Variants in NLRP13 observed in about 807,000 individuals in gnomAD.
NLRP13 encodes NACHT, LRR and PYD domains-containing protein 13.
Under a neutral mutation model 94.4 loss-of-function variants are expected in NLRP13, and 82 were observed. The ratio of observed to expected loss-of-function variants is 0.87; its 90% CI spans 0.73 to 1.04. NLRP13 has a LOEUF of 1.04. Among genes scored for constraint, NLRP13 ranks in the 50% least tolerant of loss-of-function variants. The pLI is 0.00. For missense variants in NLRP13, 1,426 were observed against 1,230.8 expected, an observed-to-expected ratio of 1.16 and a Z score of -2.37; for synonymous variants, 553 against 464.7, an observed-to-expected ratio of 1.19 and a Z score of -2.45.
intron 5 of NLRP13, 86 bp from the exon 6 acceptor site, chr19:55,910,819 A>G (rs975375072): frequency 9.0e-7 from 1 of 1,112,410 alleles, no homozygotes; most frequent in South Asian, 2.0e-5. Context: ...ACAGAAAGAA[A>G]CCCTAACAAA....
At chr19:55,930,891 T>C (rs1424903785) in intron 1 of NLRP13, among the ~76,000 whole-genome samples, 1 of 123,546 alleles carries the variant, frequency 8.1e-6, no homozygotes, top group Non-Finnish European at 1.7e-5. Flanking sequence ...TATATATATA[T>C]ATATATAAAA....
At chr19:55,927,386 A>C (rs1986992576) in intron 1 of NLRP13, among the ~76,000 whole-genome samples, 1 of 145,488 alleles carries the variant, frequency 6.9e-6, no homozygotes, top group African/African-American at 2.6e-5. Context: ...AAAAAAAAAA[A>C]GAGTGAAAAC....
chr19:55,908,068 G>T, intron 6 of NLRP13, 112 bp from the exon 7 acceptor site: 2 of 894,342 alleles, frequency 2.2e-6, no homozygotes, highest in Non-Finnish European at 1.7e-6. Context: ...GGTTATACAC[G>T]GTACACAAGG....
rs774831072 is a variant in NLRP13, at chr19:55,913,144, T to TA, written c.672dup (p.Arg225Ter). ...AAGACTATCGTCTGGGCCTGGGCTC[T>TA]AGTCCTATTAGGATCCAGTAGGCGC... is the stretch of plus-strand genomic sequence containing the variant. On this transcript the variant is annotated frameshift_variant, in exon 5 of 11. Transcript: ENST00000342929. LOFTEE classifies it high-confidence loss of function. The TA allele has an allele frequency of 6.1e-5, 99 of 1,614,196 alleles. No individual in the cohort carries two copies. The highest frequency in any genetic ancestry group is 8.1e-5 in the Non-Finnish European group (96 of 1,180,032).
intron 4 of NLRP13, among the ~76,000 whole-genome samples, chr19:55,915,115 C>T (rs987028727): frequency 1.8e-4 from 28 of 152,076 alleles, no homozygotes; most frequent in Admixed American, 7.2e-4. Flanking sequence ...ACAAGAGGAA[C>T]GAGTTCTGTG....
intron 4 of NLRP13, among the ~76,000 whole-genome samples, chr19:55,920,798 T>C (rs1025816283): frequency 6.6e-5 from 10 of 152,154 alleles, no homozygotes; most frequent in Non-Finnish European, 2.9e-5. Context: ...ATACCTGCAC[T>C]CCTGTGTTTA....
At chr19:55,927,022 C>T (rs977893786) in intron 1 of NLRP13, among the ~76,000 whole-genome samples, 2 of 151,434 alleles carry the variant, frequency 1.3e-5, no homozygotes, top group African/African-American at 4.9e-5. Context: ...AACTTTACAC[C>T]TTATACAGGA....
chr19:55,914,242 C>CT lies in NLRP13; in HGVS notation c.524-950dup, dbSNP rs1187635460. Among the ~76,000 whole-genome samples the CT allele has an allele frequency of 7.9e-5, 12 of 152,314 alleles. No individual in the cohort carries two copies. The East Asian group carries it at 2.3e-3, about 29-fold the overall frequency. ...GTGAGGAGTGATTGAGCTAGCGATT[C>CT]TTAGAGGCCTTCTGGGGCCTACTAC... On this transcript the variant is annotated intron_variant, in intron 4 of 10. Transcript: ENST00000342929.
chr19:55,911,856 A>G lies in NLRP13; in HGVS notation c.1961T>C (p.Met654Thr), dbSNP rs1321982692. 1 of 1,614,056 alleles carries G rather than the reference A, an allele frequency of 6.2e-7. No homozygotes were observed. Among genetic ancestry groups the G allele is most frequent in the African/African-American group, 1.3e-5 (1 of 74,920 alleles). Residue 654 changes from methionine to threonine, a missense_variant, in exon 5 of 11, where the codon ATG (methionine) becomes ACG (threonine). Coordinates refer to ENST00000342929, the MANE Select transcript of NLRP13 (RefSeq NM_176810.2). ...ESQEEDFTKKMLGRIFEVDLN... is the reference protein window; with the variant it reads ...ESQEEDFTKKTLGRIFEVDLN... ...GTCAACTTCAAAGATACGACCCAAC[A>G]TCTTCTTTGTGAAGTCTTCCTCCTG...
chr19:55,896,121 TA>T lies in NLRP13; in HGVS notation c.2958-3del. ...GTTGTCAGATTGCATTTCGCCAACC[TA>T]GGGGCGGGTGGGAAGAAAGCACAAC... On this transcript the variant is annotated splice_polypyrimidine_tract_variant and splice_region_variant and intron_variant, in intron 10 of 10. Transcript: ENST00000342929. The T allele has an allele frequency of 1.2e-6, 2 of 1,613,730 alleles. No homozygotes were observed.
chr19:55,909,540 GA>G (rs56165547), intron 6 of NLRP13, among the ~76,000 whole-genome samples: 35 of 146,204 alleles, frequency 2.4e-4, no homozygotes, highest in African/African-American at 2.3e-4. Flanking sequence ...GGATCTCCAG[GA>G]AAAAAAAAAA....
At position 55,932,161 on chromosome 19, in the gene NLRP13, G is replaced by A. The variant is rs1018345818; in HGVS notation, c.151C>T (p.His51Tyr). ...LMDFWSAPQGHFPRIPWANLR... is the reference protein window; with the variant it reads ...LMDFWSAPQGYFPRIPWANLR... ...TTTGCCCAGGGGATACGCGGGAAGT[G>A]CCCCTGGGGGGCCGACCAGAAGTCC... Residue 51 changes from histidine (H) to tyrosine (Y), a missense_variant, in exon 1 of 11, where the codon CAC becomes TAC. Physicochemically the swap from His to Tyr is moderately conservative, Grantham distance 83. Transcript: ENST00000342929. 1.9e-6 allele frequency: 3 copies of A among 1,614,036 alleles called. No homozygotes were observed. Among genetic ancestry groups the A allele is most frequent in the East Asian group, 2.2e-5 (1 of 44,876 alleles).
intron 1 of NLRP13, among the ~76,000 whole-genome samples, chr19:55,926,110 C>A (rs1031928617): frequency 6.6e-6 from 1 of 152,142 alleles, no homozygotes; most frequent in African/African-American, 2.4e-5. Flanking sequence ...TCTGTTTATC[C>A]AAAAGCCAAC....
intron 8 of NLRP13, among the ~76,000 whole-genome samples, chr19:55,904,532 T>C (rs753279264): frequency 2.0e-5 from 3 of 152,198 alleles, no homozygotes; most frequent in Admixed American, 6.5e-5. Context: ...ATCCCTGTCA[T>C]TCTACTCTCG....
intron 7 of NLRP13, among the ~76,000 whole-genome samples, chr19:55,906,337 C>CAAAAAAAAAA (rs71182931): frequency 0.12 from 7,119 of 60,394 alleles, 1,275 homozygotes; most frequent in Middle Eastern, 0.16. Context: ...GACTCCATCT[C>CAAAAAAAAAA]AAAAAAAAAA....
Position 55,898,956 on chromosome 19 carries a change from C to A in NLRP13, c.2790-19G>T, listed in dbSNP as rs1376713086. On this transcript the variant is annotated intron_variant, in intron 9 of 10. Transcript: ENST00000342929. ...TGACAAACTGCAAAATAAAAACATA[C>A]AAAAGGGGGGAAAGTAATTGCGTCC... The A allele has an allele frequency of 1.2e-6, 2 of 1,603,786 alleles. No individual in the cohort carries two copies. The highest frequency in any genetic ancestry group is 1.7e-6 in the Non-Finnish European group (2 of 1,176,172).
chr19:55,923,811 A>C, intron 4 of NLRP13, 103 bp downstream of exon 4: 1 of 823,186 alleles, frequency 1.2e-6, no homozygotes, highest in Non-Finnish European at 2.1e-6. Context: ...TGCATACCAT[A>C]AACTGAAGAA....
chr19:55,913,860 C>CA (rs1986610583), intron 4 of NLRP13, among the ~76,000 whole-genome samples: 1 of 151,994 alleles, frequency 6.6e-6, no homozygotes, highest in Admixed American at 6.5e-5. Context: ...CTCAGCACCC[C>CA]AAAGACACCT....
At position 55,915,832 on chromosome 19, in the gene NLRP13, G is replaced by A. The variant is rs1986661198; in HGVS notation, c.524-2539C>T. 2.0e-5 allele frequency among the ~76,000 whole-genome samples: 3 copies of A among 151,768 alleles called. No homozygotes were observed. In the South Asian group the frequency reaches 6.3e-4, roughly 32 times the overall value. On this transcript the variant is annotated intron_variant, in intron 4 of 10. Transcript: ENST00000342929. Reference sequence around the variant, plus strand: ...AAGCTCCTATGCATTTCACAGACCAGCCCATTGCCTGATGCACAAGAAAGT... The same window carrying A: ...AAGCTCCTATGCATTTCACAGACCAACCCATTGCCTGATGCACAAGAAAGT...
Sources: gnomAD v4.1 joint callset for allele counts (sites outside exome capture counted in the v4.1 genomes callset) on GRCh38, gnomAD v4.1.1 for gene constraint, MANE v1.5 for transcripts, NCBI Gene and HGNC (gene_info 2026-07-23, HGNC 2026-07-21) for gene names.